CPA6: variants seen among roughly 807,000 people sequenced by gnomAD.
CPA6 encodes carboxypeptidase B.
In CPA6, 58 loss-of-function variants were observed where a neutral mutation model predicts 63.3. That is an observed-to-expected ratio of 0.92 (90% CI 0.74 to 1.14). The LOEUF (loss-of-function observed/expected upper bound fraction) is 1.14. CPA6 is among the 50% of genes most tolerant of loss of function. The pLI, the probability that CPA6 is intolerant of heterozygous loss-of-function variation, is 0.00. For missense variants in CPA6, 565 were observed against 526.6 expected, an observed-to-expected ratio of 1.07 and a Z score of -0.71; for synonymous variants, 185 against 179.0, an observed-to-expected ratio of 1.03 and a Z score of -0.27.
At chr8:67,526,361 TG>T (rs1044721529) in intron 2 of CPA6, among the ~76,000 whole-genome samples, 8 of 152,192 alleles carry the variant, frequency 5.3e-5, no homozygotes, top group African/African-American at 9.7e-5. Context: ...GAAATAGACA[TG>T]TTTTTTTTCT....
chr8:67,696,139 T>C (rs372714594), intron 1 of CPA6, among the ~76,000 whole-genome samples: 7 of 152,164 alleles, frequency 4.6e-5, no homozygotes, highest in Admixed American at 2.0e-4. Flanking sequence ...GAGGCAAGAA[T>C]AGACATTCTT....
chr8:67,457,667 C>T lies in CPA6; in HGVS notation c.839-23427G>A, dbSNP rs1019307273. ...TGCTGTCAGAGCACTTTTCTATAACCAAAATAGATCATGTTATTCCCCCAA... is the reference window on the plus strand; with the variant it reads ...TGCTGTCAGAGCACTTTTCTATAACTAAAATAGATCATGTTATTCCCCCAA... On this transcript the variant is annotated intron_variant, in intron 8 of 10. Transcript: ENST00000297770. Among the ~76,000 whole-genome samples the T allele has an allele frequency of 2.6e-5, 4 of 151,274 alleles. No individual in the cohort carries two copies. The East Asian group carries it at 7.7e-4, about 29-fold the overall frequency.
At chr8:67,551,361 A>G (rs1028316519) in intron 2 of CPA6, among the ~76,000 whole-genome samples, 6 of 152,008 alleles carry the variant, frequency 3.9e-5, no homozygotes, top group Non-Finnish European at 5.9e-5. Context: ...TTGGCTCTCT[A>G]TTGTATTCCA....
intron 2 of CPA6, among the ~76,000 whole-genome samples, chr8:67,607,450 T>C (rs2128105): frequency 0.41 from 62,339 of 151,276 alleles, 13,853 homozygotes; most frequent in African/African-American, 0.56. Flanking sequence ...TCTTCTTTGC[T>C]TGAAACCATC....
At chr8:67,437,528 TTC>T (rs1301492748) in intron 8 of CPA6, among the ~76,000 whole-genome samples, 2 of 152,152 alleles carry the variant, frequency 1.3e-5, no homozygotes, top group African/African-American at 4.8e-5. Context: ...AAACAACTAA[TTC>T]TGGAGGGAGC....
intron 1 of CPA6, among the ~76,000 whole-genome samples, chr8:67,744,305 ATTAAC>A (rs1021107060): frequency 3.9e-5 from 6 of 152,208 alleles, no homozygotes; most frequent in African/African-American, 1.4e-4. Context: ...TACACTTGGG[ATTAAC>A]TTATGTAGCA....
At chr8:67,429,164 A>G (rs1809963711) in intron 9 of CPA6, among the ~76,000 whole-genome samples, 1 of 152,220 alleles carries the variant, frequency 6.6e-6, no homozygotes, top group African/African-American at 2.4e-5. Flanking sequence ...TACTGCGAAG[A>G]GGTAGAAAGT....
At chr8:67,443,543 A>G (rs577941622) in intron 8 of CPA6, among the ~76,000 whole-genome samples, 6 of 152,226 alleles carry the variant, frequency 3.9e-5, no homozygotes, top group African/African-American at 1.4e-4. Context: ...TTTAAAGTGG[A>G]TAATTCAGTA....
intron 1 of CPA6, among the ~76,000 whole-genome samples, chr8:67,701,100 T>G (rs942939092): frequency 6.6e-6 from 1 of 152,180 alleles, no homozygotes; most frequent in African/African-American, 2.4e-5. Flanking sequence ...CATGGTATAG[T>G]GGAAAGAGCA....
chr8:67,441,536 T>C (rs576424663), intron 8 of CPA6, among the ~76,000 whole-genome samples: 2 of 152,218 alleles, frequency 1.3e-5, no homozygotes, highest in East Asian at 3.9e-4. Flanking sequence ...TAAGAAAATC[T>C]TGGAAAAGAA....
At position 67,422,356 on chromosome 8, in the gene CPA6, C is replaced by A; in HGVS notation, c.*148G>T. ...CCTGTTTTTTACTGTTTTCTATTGC[C>A]ACAAAGTCAAATTGCGTGGGGTCTT... On this transcript the variant is annotated 3_prime_UTR_variant, in exon 11 of 11. Coordinates refer to ENST00000297770, the MANE Select transcript of CPA6 (RefSeq NM_020361.5). 1.8e-6 allele frequency: 1 copy of A among 569,104 alleles called. No homozygotes were observed. The allele number at this position is 569,104 out of a possible 1,614,324, so 35.3% of individuals were successfully genotyped here.
chr8:67,732,264 C>G (rs184091018), intron 1 of CPA6, among the ~76,000 whole-genome samples: 2 of 152,288 alleles, frequency 1.3e-5, no homozygotes, highest in East Asian at 3.9e-4. Context: ...CTCCGAAAGC[C>G]GTAAGGGCAA....
intron 1 of CPA6, among the ~76,000 whole-genome samples, chr8:67,662,041 C>T (rs1441769673): frequency 6.6e-6 from 1 of 152,118 alleles, no homozygotes; most frequent in Non-Finnish European, 1.5e-5. Flanking sequence ...TTGAATGTTC[C>T]TTCATCCATT....
chr8:67,615,678 T>G (rs1814927137), intron 2 of CPA6, among the ~76,000 whole-genome samples: 1 of 152,138 alleles, frequency 6.6e-6, no homozygotes, highest in Admixed American at 6.5e-5. Context: ...TGCCTCCATA[T>G]CCACCATATG....
intron 2 of CPA6, chr8:67,569,559 C>T: frequency 2.1e-6 from 1 of 466,218 alleles, no homozygotes; most frequent in South Asian, 1.7e-5. Flanking sequence ...AGGCAACGAC[C>T]ACACAACAAG....
intron 2 of CPA6, among the ~76,000 whole-genome samples, chr8:67,612,352 G>A (rs774074821): frequency 6.6e-6 from 1 of 152,120 alleles, no homozygotes; most frequent in African/African-American, 2.4e-5. Context: ...TAACACAGAG[G>A]CATCTTCTGA....
At chr8:67,498,749 C>T (rs577167758) in intron 6 of CPA6, among the ~76,000 whole-genome samples, 33 of 152,094 alleles carry the variant, frequency 2.2e-4, no homozygotes, top group African/African-American at 7.2e-4. Flanking sequence ...CTGGTATAAG[C>T]AAGCATTCAA....
intron 1 of CPA6, among the ~76,000 whole-genome samples, chr8:67,731,497 C>A (rs1050764746): frequency 2.6e-5 from 4 of 152,258 alleles, no homozygotes; most frequent in African/African-American, 9.6e-5. Flanking sequence ...AGCTTTCCCT[C>A]AGGCTGGACT....
chr8:67,616,250 C>T (rs539090948), intron 2 of CPA6, among the ~76,000 whole-genome samples: 1 of 152,250 alleles, frequency 6.6e-6, no homozygotes, highest in South Asian at 2.1e-4. Flanking sequence ...CTGCTGTTGA[C>T]TATGGTGAAC....
Sources: allele counts gnomAD v4.1 joint callset (sites outside exome capture counted in the v4.1 genomes callset), GRCh38; gene constraint gnomAD v4.1.1; transcripts MANE v1.5; gene names NCBI Gene and HGNC (gene_info 2026-07-23, HGNC 2026-07-21).